ZFAND3: variants seen among roughly 807,000 people sequenced by gnomAD.
ZFAND3 encodes AN1-type zinc finger protein 3.
A neutral mutation model predicts 29.6 loss-of-function variants in ZFAND3; 10 were observed. The observed-to-expected ratio is 0.34, with a 90% CI of 0.21 to 0.57. The LOEUF (loss-of-function observed/expected upper bound fraction) is 0.57. Ranked by LOEUF, ZFAND3 falls within the 20% of genes least tolerant of loss-of-function variation. The pLI, the probability that ZFAND3 is intolerant of heterozygous loss-of-function variation, is 0.86. For synonymous variants in ZFAND3, 128 were observed against 112.6 expected (o/e 1.14, Z -0.87); for missense variants, 230 against 304.5 (o/e 0.76, Z 1.82).
chr6:38,116,477 T>C, intron 4 of ZFAND3, 95 bp from the exon 5 acceptor site: 4 of 1,422,798 alleles, frequency 2.8e-6, no homozygotes, highest in Non-Finnish European at 3.8e-6. Context: ...ACAAGGGCAG[T>C]AGCCTGGTCA....
At chr6:38,001,228 G>A (rs1178645097) in intron 2 of ZFAND3, among the ~76,000 whole-genome samples, 2 of 152,122 alleles carry the variant, frequency 1.3e-5, no homozygotes, top group African/African-American at 4.8e-5. Flanking sequence ...CCTGGAGTAG[G>A]ACAGTCCCAA....
chr6:38,101,419 A>G (rs1033144343), intron 4 of ZFAND3, among the ~76,000 whole-genome samples: 1 of 152,232 alleles, frequency 6.6e-6, no homozygotes, highest in Non-Finnish European at 1.5e-5. Flanking sequence ...CTGTGTCATA[A>G]TATACCAGAA....
intron 2 of ZFAND3, among the ~76,000 whole-genome samples, chr6:37,958,405 GATTGTGCCACTGC>G (rs1561946914): frequency 6.8e-6 from 1 of 145,996 alleles, no homozygotes; most frequent in East Asian, 2.0e-4. Context: ...AGTGAGCTGA[GATTGTGCCACTGC>G]ACTTCAGCCT....
intron 1 of ZFAND3, among the ~76,000 whole-genome samples, chr6:37,849,707 G>A (rs565560123): frequency 5.9e-5 from 9 of 152,272 alleles, no homozygotes; most frequent in African/African-American, 2.2e-4. Context: ...ACAGCGCCTG[G>A]CCTTGATTTT....
intron 5 of ZFAND3, among the ~76,000 whole-genome samples, chr6:38,150,672 C>G (rs1393702704): frequency 6.6e-6 from 1 of 152,208 alleles, no homozygotes; most frequent in Non-Finnish European, 1.5e-5. Flanking sequence ...AAAGCACAGC[C>G]TCTACATCTC....
At chr6:38,004,325 C>T (rs892248581) in intron 2 of ZFAND3, among the ~76,000 whole-genome samples, 3 of 152,166 alleles carry the variant, frequency 2.0e-5, no homozygotes, top group African/African-American at 7.2e-5. Flanking sequence ...AACACGTTTG[C>T]TCATAGCATT....
At chr6:38,112,496 C>G (rs1765339299) in intron 4 of ZFAND3, among the ~76,000 whole-genome samples, 1 of 152,204 alleles carries the variant, frequency 6.6e-6, no homozygotes, top group Non-Finnish European at 1.5e-5. Flanking sequence ...CCACATTTAA[C>G]TGTTACTGCC....
At position 38,039,231 on chromosome 6, in the gene ZFAND3, A is replaced by G. The variant is rs570480196; in HGVS notation, c.113-22362A>G. Among the ~76,000 whole-genome samples the G allele has an allele frequency of 5.9e-5, 9 of 152,358 alleles. No homozygotes were observed. The East Asian group carries it at 1.7e-3, about 29-fold the overall frequency. ...AAATCTGCTTCCTTACTAAAGGACA[A>G]TCTTAAAGGACCGTAAGTATTATTT... is the stretch of plus-strand genomic sequence containing the variant. On this transcript the variant is annotated intron_variant, in intron 2 of 5. Coordinates refer to ENST00000287218, the MANE Select transcript of ZFAND3 (RefSeq NM_021943.3).
rs144835110 is a variant in ZFAND3, at chr6:38,031,231, ATACT to A, written c.113-30359_113-30356del. Among the ~76,000 whole-genome samples, 988 of 152,236 alleles carry A rather than the reference ATACT, an allele frequency of 6.5e-3. 5 individuals are homozygous for A. The highest frequency in any genetic ancestry group is 0.011 in the Non-Finnish European group (740 of 67,986). The stretch of plus-strand genomic sequence containing the variant: ...TATTTGGGTCCCCTCTTTTTCAAAA[ATACT>A]TAGTTACTCTGTAATCACATACCTG... On this transcript the variant is annotated intron_variant, in intron 2 of 5. Transcript: ENST00000287218.
At chr6:37,843,286 C>A (rs1477130206) in intron 1 of ZFAND3, among the ~76,000 whole-genome samples, 1 of 152,060 alleles carries the variant, frequency 6.6e-6, no homozygotes, top group East Asian at 1.9e-4. Flanking sequence ...GAGATTGAGA[C>A]CATCCTGGCT....
intron 5 of ZFAND3, among the ~76,000 whole-genome samples, chr6:38,138,503 G>T (rs557281676): frequency 3.9e-5 from 6 of 152,152 alleles, no homozygotes; most frequent in Admixed American, 1.3e-4. Flanking sequence ...CAGGCAACAC[G>T]CCTGAGCTCT....
intron 4 of ZFAND3, among the ~76,000 whole-genome samples, chr6:38,106,501 C>T (rs1765212904): frequency 6.6e-6 from 1 of 152,162 alleles, no homozygotes; most frequent in Non-Finnish European, 1.5e-5. Context: ...GTGGGGATGA[C>T]AGGTATGAGC....
At position 37,913,708 on chromosome 6, in the gene ZFAND3, C is replaced by CTTTTTTTTTTTTTTTTTTT. The variant is rs56045448; in HGVS notation, c.72-16250_72-16232dup. Among the ~76,000 whole-genome samples the CTTTTTTTTTTTTTTTTTTT allele has an allele frequency of 9.7e-4, 110 of 113,034 alleles. 3 individuals are homozygous for CTTTTTTTTTTTTTTTTTTT. The highest frequency in any genetic ancestry group is 2.0e-3 in the African/African-American group (61 of 29,770). 74.2% of individuals were successfully genotyped at this position (113,034 alleles called of 152,430 possible). Reference sequence around the variant, plus strand: ...CCCAGCTGTCTATGGCAGCTATATTCTTTTTTTTTTTTTTTTTTTGAGACA... The same window carrying CTTTTTTTTTTTTTTTTTTT: ...CCCAGCTGTCTATGGCAGCTATATTCTTTTTTTTTTTTTTTTTTTTTTTTTTTTTTTTTTTTTTGAGACA... On this transcript the variant is annotated intron_variant, in intron 1 of 5. Coordinates refer to ENST00000287218, the MANE Select transcript of ZFAND3 (RefSeq NM_021943.3).
At chr6:37,924,738 T>C (rs1489622598) in intron 1 of ZFAND3, among the ~76,000 whole-genome samples, 1 of 151,780 alleles carries the variant, frequency 6.6e-6, no homozygotes, top group Non-Finnish European at 1.5e-5. Flanking sequence ...GGAGGATGGC[T>C]TGAGCCTAGG....
intron 3 of ZFAND3, among the ~76,000 whole-genome samples, chr6:38,080,548 T>C (rs1764641596): frequency 6.6e-6 from 1 of 152,152 alleles, no homozygotes; most frequent in South Asian, 2.1e-4. Flanking sequence ...AAGTCGCTTA[T>C]TGGCAGTTTT....
rs567438887 is a variant in ZFAND3, at chr6:37,955,069, G to C, written c.112+25070G>C. On this transcript the variant is annotated intron_variant, in intron 2 of 5. Coordinates refer to ENST00000287218, the MANE Select transcript of ZFAND3 (RefSeq NM_021943.3). ...CCCCTCTGTAGGTCTCCTGTGTTCT[G>C]TCTCTTCCAGTACTCTGTCCTGCAA... Among the ~76,000 whole-genome samples, 11 of 152,012 alleles carry C rather than the reference G, an allele frequency of 7.2e-5. No individual in the cohort carries two copies. In the South Asian group the frequency reaches 8.3e-4, roughly 12 times the overall value.
At chr6:38,137,776 TGG>T (rs1424214327) in intron 5 of ZFAND3, among the ~76,000 whole-genome samples, 4 of 151,858 alleles carry the variant, frequency 2.6e-5, no homozygotes, top group African/African-American at 9.7e-5. Flanking sequence ...TTCAGAGAGT[TGG>T]GAGAGCAGTG....
intron 2 of ZFAND3, among the ~76,000 whole-genome samples, chr6:37,934,142 C>A (rs567270235): frequency 1.3e-5 from 2 of 151,658 alleles, no homozygotes; most frequent in African/African-American, 4.8e-5. Flanking sequence ...CCCACCTTGG[C>A]CTCCCAAAGT....
intron 5 of ZFAND3, among the ~76,000 whole-genome samples, chr6:38,124,046 A>G (rs1765583341): frequency 6.6e-6 from 1 of 152,084 alleles, no homozygotes; most frequent in Non-Finnish European, 1.5e-5. Context: ...ACAGAGCGCC[A>G]GTTGTTTTGA....
Sources: allele counts gnomAD v4.1 joint callset (sites outside exome capture counted in the v4.1 genomes callset), GRCh38; gene constraint gnomAD v4.1.1; transcripts MANE v1.5; gene names NCBI Gene and HGNC (gene_info 2026-07-23, HGNC 2026-07-21).